The following EP400 variants were observed in gnomAD, a reference collection of about 807,000 sequenced individuals.
The protein encoded by EP400 is E1A binding protein p400.
A neutral mutation model predicts 354.1 loss-of-function variants in EP400; 105 were observed. The observed-to-expected ratio is 0.30, with a 90% CI of 0.25 to 0.35. The LOEUF (loss-of-function observed/expected upper bound fraction) is 0.35. Among genes scored for constraint, EP400 ranks in the 10% least tolerant of loss-of-function variants. EP400 has a pLI of 1.00. For missense variants in EP400, 3,280 were observed against 4,121.0 expected, an observed-to-expected ratio of 0.80 and a Z score of 5.59; for synonymous variants, 1,646 against 1,716.9, an observed-to-expected ratio of 0.96 and a Z score of 1.02.
At chr12:131,997,425 G>A (rs1024926352) in intron 12 of EP400, among the ~76,000 whole-genome samples, 3 of 151,826 alleles carry the variant, frequency 2.0e-5, no homozygotes, top group African/African-American at 2.4e-5. Flanking sequence ...GCGCTACCAC[G>A]CCCAGCTGAT....
intron 3 of EP400, 57 bp from the exon 4 acceptor site, chr12:131,981,432 C>T: frequency 7.3e-7 from 1 of 1,379,042 alleles, no homozygotes; most frequent in Admixed American, 2.3e-5. Flanking sequence ...TTTTTTTCTA[C>T]TACTTCTCTG....
Position 131,986,505 on chromosome 12 carries a change from C to A in EP400, c.1930-9C>A. Reference sequence around the variant, plus strand: ...TTCACCTTGCTCCACTTGTGCCCTGCCCTTACAGATGGTAGCATCGACAAG... The same window carrying A: ...TTCACCTTGCTCCACTTGTGCCCTGACCTTACAGATGGTAGCATCGACAAG... On this transcript the variant is annotated splice_polypyrimidine_tract_variant and intron_variant, in intron 5 of 52. Transcript: ENST00000389561. The A allele has an allele frequency of 6.3e-7, 1 of 1,588,788 alleles. No individual in the cohort carries two copies. The highest frequency in any genetic ancestry group is 8.6e-7 in the Non-Finnish European group (1 of 1,166,002).
At chr12:132,004,559 A>G (rs1309618467) in intron 12 of EP400, among the ~76,000 whole-genome samples, 2 of 152,028 alleles carry the variant, frequency 1.3e-5, no homozygotes, top group Admixed American at 1.3e-4. Flanking sequence ...CACTTTTTAC[A>G]TTTTTATTTA....
rs1403220392 is a variant in EP400 at position 132,080,006 on chromosome 12, C to G, written c.*2333C>G. 6.6e-6 allele frequency: 1 copy of G among 152,222 alleles called. No homozygotes were observed. Among genetic ancestry groups the G allele is most frequent in the Non-Finnish European group, 1.5e-5 (1 of 68,042 alleles). The allele number at this position is 152,222 out of a possible 1,614,324, so 9.4% of individuals were successfully genotyped here. On this transcript the variant is annotated 3_prime_UTR_variant, in exon 53 of 53. Coordinates refer to ENST00000389561, the MANE Select transcript of EP400 (RefSeq NM_015409.5). ...AGGAAGCTGTTGTCTAGGCCTTCCC[C>G]TTGTGAATCTGGGTTCATTCCAATA...
intron 2 of EP400, chr12:131,963,450 C>G: frequency 1.0e-6 from 1 of 965,310 alleles, no homozygotes; most frequent in Non-Finnish European, 1.6e-6. Flanking sequence ...TGTCAGTGAG[C>G]TATCAGCAAT....
intron 23 of EP400, 139 bp downstream of exon 23, chr12:132,021,460 C>A: frequency 1.6e-6 from 2 of 1,261,906 alleles, no homozygotes; most frequent in Non-Finnish European, 2.1e-6. Context: ...TGCCTCTCAC[C>A]AGTGCAGCTG....
At chr12:131,992,561 C>G (rs1440633956) in intron 11 of EP400, among the ~76,000 whole-genome samples, 1 of 152,132 alleles carries the variant, frequency 6.6e-6, no homozygotes, top group Non-Finnish European at 1.5e-5. Flanking sequence ...TCTGGTAGAC[C>G]CATGGTTGCC....
chr12:131,980,284 AT>A (rs2136489537), intron 3 of EP400, among the ~76,000 whole-genome samples: 1 of 152,274 alleles, frequency 6.6e-6, no homozygotes, highest in East Asian at 1.9e-4. Flanking sequence ...ATACACAAGC[AT>A]TGTTACATAT....
chr12:132,008,080 C>T (rs1893644974), intron 15 of EP400, among the ~76,000 whole-genome samples: 2 of 152,174 alleles, frequency 1.3e-5, no homozygotes, highest in African/African-American at 4.8e-5. Flanking sequence ...TCCCAAGTAG[C>T]TGGGATTATA....
In EP400 at chr12:132,071,887, C is replaced by T. The variant is rs183786759; in HGVS notation, c.9021+2246C>T. On this transcript the variant is annotated intron_variant, in intron 51 of 52. Transcript: ENST00000389561. Reference sequence around the variant, plus strand: ...CTTTGTTCAGGTGATTTTGTCTCCTCCAATAAAGCAAGCCCCATGAGTACA... The same window carrying T: ...CTTTGTTCAGGTGATTTTGTCTCCTTCAATAAAGCAAGCCCCATGAGTACA... Among the ~76,000 whole-genome samples, 15 of 152,332 alleles carry T rather than the reference C, an allele frequency of 9.8e-5. No individual in the cohort carries two copies. In the East Asian group the frequency reaches 2.9e-3, roughly 29 times the overall value.
Position 132,030,158 on chromosome 12 carries a change from G to A in EP400, c.5754G>A (p.Gln1918=). 1 of 1,614,138 alleles carries A rather than the reference G, an allele frequency of 6.2e-7. No homozygotes were observed. The highest frequency in any genetic ancestry group is 8.5e-7 in the Non-Finnish European group (1 of 1,179,982). Residue 1918 remains glutamine, a splice_region_variant and synonymous_variant, in exon 29 of 53, where the codon CAG becomes CAA. Transcript: ENST00000389561. ...AAAATGCCAGCAGTGAGCAACGGCA[G>A]GTGAGAAGCACATTGTTTACATTGT... is the stretch of plus-strand genomic sequence containing the variant. The part of the protein sequence containing the change: ...IDENASSEQR[Q]ELMRSFNRDR...
Position 131,960,716 on chromosome 12 carries a change from A to AACC in EP400, c.98_100dup (p.Asn33_Pro34insHis). 1.0e-5 allele frequency: 1 copy of AACC among 95,892 alleles called. No homozygotes were observed. Among genetic ancestry groups the AACC allele is most frequent in the South Asian group, 1.1e-4 (1 of 9,476 alleles). The allele number at this position is 95,892 out of a possible 1,614,324, so 5.9% of individuals were successfully genotyped here. ...GGGTGAGGAGCAGCCGGCCCACCCC[A>AACC]ACCCACCCCCGTCCCCCGCAGCTCC... is the stretch of plus-strand genomic sequence containing the variant. On this transcript the variant is annotated inframe_insertion, in exon 2 of 53. Coordinates refer to ENST00000389561, the MANE Select transcript of EP400 (RefSeq NM_015409.5).
At chr12:132,041,409 A>G (rs1430094061) in intron 32 of EP400, among the ~76,000 whole-genome samples, 1 of 152,254 alleles carries the variant, frequency 6.6e-6, no homozygotes, top group East Asian at 1.9e-4. Context: ...CCTGTCCCCC[A>G]GCGGTGCTGC....
chr12:132,045,564 G>A lies in EP400; in HGVS notation c.7026+4G>A, dbSNP rs1347090024. 6.2e-7 allele frequency: 1 copy of A among 1,613,634 alleles called. No homozygotes were observed. The highest frequency in any genetic ancestry group is 8.5e-7 in the Non-Finnish European group (1 of 1,179,634). ...TGAGGACTGGGCGCTGCTGCAGGTA[G>A]GTGGGCGTGGTCTTTGTGCCAGCGG... On this transcript the variant is annotated splice_donor_region_variant and intron_variant, in intron 38 of 52. Transcript: ENST00000389561.
intron 23 of EP400, among the ~76,000 whole-genome samples, chr12:132,023,266 C>T (rs1159786768): frequency 7.2e-6 from 1 of 139,154 alleles, no homozygotes; most frequent in African/African-American, 2.7e-5. Flanking sequence ...GTGTGTAGCT[C>T]GGATTACAGG....
chr12:131,952,325 A>G (rs929746117), intron 1 of EP400, among the ~76,000 whole-genome samples: 1 of 145,140 alleles, frequency 6.9e-6, no homozygotes, highest in African/African-American at 2.6e-5. Context: ...AAAAAAAAAA[A>G]GAAAAAGAAA....
intron 32 of EP400, among the ~76,000 whole-genome samples, chr12:132,039,800 A>ATTAC (rs1200354736): frequency 2.6e-5 from 4 of 152,228 alleles, no homozygotes; most frequent in African/African-American, 9.6e-5. Flanking sequence ...GTACTTTGGG[A>ATTAC]AGCCGAGGCT....
At position 131,991,477 on chromosome 12, in the gene EP400, G is replaced by A. The variant is rs770990975; in HGVS notation, c.2679+21G>A. 2.5e-6 allele frequency: 4 copies of A among 1,613,410 alleles called. No individual in the cohort carries two copies. In the South Asian group the frequency reaches 3.3e-5, roughly 13 times the overall value. On this transcript the variant is annotated intron_variant, in intron 10 of 52. Coordinates refer to ENST00000389561, the MANE Select transcript of EP400 (RefSeq NM_015409.5). Reference sequence around the variant, plus strand: ...CTCTGGTAAGTTTGGGGTTGTTACTGTGCTGTGTGAGAAGGAGTAGAAGCA... The same window carrying A: ...CTCTGGTAAGTTTGGGGTTGTTACTATGCTGTGTGAGAAGGAGTAGAAGCA...
intron 47 of EP400, 122 bp downstream of exon 47, chr12:132,062,823 C>A: frequency 8.1e-7 from 1 of 1,234,558 alleles, no homozygotes; most frequent in Non-Finnish European, 1.1e-6. Context: ...TCTAGCACTG[C>A]CTTTATGTAG....
Sources: gnomAD v4.1 joint callset for allele counts (sites outside exome capture counted in the v4.1 genomes callset) on GRCh38, gnomAD v4.1.1 for gene constraint, MANE v1.5 for transcripts, NCBI Gene and HGNC (gene_info 2026-07-23, HGNC 2026-07-21) for gene names.